Variants in ARHGAP15 observed in about 807,000 individuals in gnomAD.
The protein encoded by ARHGAP15 is Rho GTPase activating protein 15, also known as rho GTPase-activating protein 15.
In ARHGAP15, 51 loss-of-function variants were observed where a neutral mutation model predicts 63.7. The ratio of observed to expected loss-of-function variants is 0.80; its 90% CI spans 0.64 to 1.01. The LOEUF (loss-of-function observed/expected upper bound fraction) is 1.01, where lower values mean the gene tolerates loss of function less well. Ranked by LOEUF, ARHGAP15 falls within the 50% of genes least tolerant of loss-of-function variation. The pLI is 0.00. For missense variants in ARHGAP15, 560 were observed against 564.6 expected, an observed-to-expected ratio of 0.99 and a Z score of 0.08; for synonymous variants, 191 against 193.8, an observed-to-expected ratio of 0.99 and a Z score of 0.12.
intron 12 of ARHGAP15, among the ~76,000 whole-genome samples, chr2:143,645,987 G>A (rs1263861360): frequency 6.6e-6 from 1 of 152,000 alleles, no homozygotes; most frequent in Non-Finnish European, 1.5e-5. Flanking sequence ...TAGCTATTCT[G>A]GCAGTAATGG....
intron 6 of ARHGAP15, among the ~76,000 whole-genome samples, chr2:143,387,878 C>T (rs1192780130): frequency 6.6e-6 from 1 of 151,368 alleles, no homozygotes; most frequent in Non-Finnish European, 1.5e-5. Flanking sequence ...CACATACACG[C>T]ATGCGTGCAC....
intron 6 of ARHGAP15, among the ~76,000 whole-genome samples, chr2:143,331,997 T>C (rs2105260778): frequency 6.6e-6 from 1 of 152,296 alleles, no homozygotes; most frequent in South Asian, 2.1e-4. Flanking sequence ...TTCTTGTCCT[T>C]CTAGCTAATT....
intron 12 of ARHGAP15, among the ~76,000 whole-genome samples, chr2:143,696,322 G>A (rs1683843373): frequency 6.6e-6 from 1 of 151,178 alleles, no homozygotes. Flanking sequence ...GCCACAGGTT[G>A]CACACAGGCC....
At chr2:143,506,797 G>T (rs1051190011) in intron 9 of ARHGAP15, among the ~76,000 whole-genome samples, 1 of 152,044 alleles carries the variant, frequency 6.6e-6, no homozygotes, top group African/African-American at 2.4e-5. Flanking sequence ...CGGTTTCTTG[G>T]ACTACAACCC....
chr2:143,426,624 A>G (rs185109460), intron 6 of ARHGAP15, among the ~76,000 whole-genome samples: 12 of 152,286 alleles, frequency 7.9e-5, no homozygotes, highest in South Asian at 6.2e-4. Flanking sequence ...AAGGTGGGCA[A>G]GCATCTGCAG....
At chr2:143,330,737 T>C (rs906572002) in intron 6 of ARHGAP15, among the ~76,000 whole-genome samples, 1 of 152,242 alleles carries the variant, frequency 6.6e-6, no homozygotes, top group Non-Finnish European at 1.5e-5. Flanking sequence ...CTCTAGGCAA[T>C]AAATATACAC....
chr2:143,486,835 A>G (rs1472654095), intron 8 of ARHGAP15, among the ~76,000 whole-genome samples: 5 of 152,224 alleles, frequency 3.3e-5, no homozygotes, highest in Admixed American at 3.3e-4. Flanking sequence ...AATTTCACAT[A>G]GAACTGGTAG....
intron 6 of ARHGAP15, among the ~76,000 whole-genome samples, chr2:143,410,945 T>C (rs942675775): frequency 1.3e-5 from 2 of 152,076 alleles, no homozygotes; most frequent in African/African-American, 4.8e-5. Flanking sequence ...GGCTCACGCC[T>C]GTAATCTCAG....
intron 8 of ARHGAP15, among the ~76,000 whole-genome samples, chr2:143,472,932 G>T (rs924194659): frequency 6.6e-6 from 1 of 152,140 alleles, no homozygotes; most frequent in Non-Finnish European, 1.5e-5. Context: ...AAGCCTGTGT[G>T]CTTTCCACCA....
At chr2:143,722,634 C>T (rs936642749) in intron 13 of ARHGAP15, among the ~76,000 whole-genome samples, 9 of 152,174 alleles carry the variant, frequency 5.9e-5, no homozygotes, top group Admixed American at 4.6e-4. Flanking sequence ...AGAACAGAGA[C>T]TAATTAACTG....
chr2:143,324,448 A>G (rs922556442), intron 6 of ARHGAP15, among the ~76,000 whole-genome samples: 1 of 152,206 alleles, frequency 6.6e-6, no homozygotes, highest in African/African-American at 2.4e-5. Context: ...AAAGTCTGAC[A>G]TATTTTCCGT....
chr2:143,720,483 C>T (rs978569804), intron 13 of ARHGAP15, among the ~76,000 whole-genome samples: 25 of 152,188 alleles, frequency 1.6e-4, no homozygotes, highest in Non-Finnish European at 3.5e-4. Flanking sequence ...AGCCTAATGG[C>T]GTCAACTAAT....
intron 4 of ARHGAP15, among the ~76,000 whole-genome samples, chr2:143,217,954 G>A (rs1382374956): frequency 6.6e-6 from 1 of 152,102 alleles, no homozygotes; most frequent in African/African-American, 2.4e-5. Context: ...GCAGAAGGAG[G>A]TTCTACTGTG....
intron 1 of ARHGAP15, among the ~76,000 whole-genome samples, chr2:143,135,866 G>A (rs769765512): frequency 4.6e-5 from 7 of 151,924 alleles, no homozygotes; most frequent in African/African-American, 7.3e-5. Flanking sequence ...ATTCCTTTGC[G>A]GTTTTATTTA....
At chr2:143,665,973 C>T (rs1390491231) in intron 12 of ARHGAP15, among the ~76,000 whole-genome samples, 31 of 147,418 alleles carry the variant, frequency 2.1e-4, no homozygotes, top group Middle Eastern at 3.5e-3. Context: ...GAATCAATAT[C>T]GTGAAAATGG....
chr2:143,312,381 A>C (rs1000033046), intron 6 of ARHGAP15, among the ~76,000 whole-genome samples: 1 of 151,934 alleles, frequency 6.6e-6, no homozygotes, highest in African/African-American at 2.4e-5. Context: ...TTTTCTTCCA[A>C]TTTTTGTTTT....
intron 1 of ARHGAP15, among the ~76,000 whole-genome samples, chr2:143,139,628 G>T (rs2104987138): frequency 6.6e-6 from 1 of 152,256 alleles, no homozygotes; most frequent in South Asian, 2.1e-4. Flanking sequence ...TAGAAAGCCA[G>T]TGACAAAGTG....
Position 143,200,555 on chromosome 2 carries a change from TTC to T in ARHGAP15, c.166-1566_166-1565del, listed in dbSNP as rs1011081898. Among the ~76,000 whole-genome samples the T allele has an allele frequency of 1.5e-4, 23 of 151,002 alleles. No individual in the cohort carries two copies. The East Asian group carries it at 3.5e-3, about 23-fold the overall frequency. ...TACACTTATCTCTCTTTCTCTCTCT[TTC>T]TCTCTCTCTCTCATCCTCCTCATGC... On this transcript the variant is annotated intron_variant, in intron 2 of 13. Transcript: ENST00000295095.
intron 12 of ARHGAP15, among the ~76,000 whole-genome samples, chr2:143,650,801 A>G (rs1401940136): frequency 6.6e-6 from 1 of 151,912 alleles, no homozygotes; most frequent in Non-Finnish European, 1.5e-5. Flanking sequence ...GCTATTTGGT[A>G]TATAATGTTA....
Sources: gnomAD v4.1 joint callset for allele counts (sites outside exome capture counted in the v4.1 genomes callset) on GRCh38, gnomAD v4.1.1 for gene constraint, MANE v1.5 for transcripts, NCBI Gene and HGNC (gene_info 2026-07-23, HGNC 2026-07-21) for gene names.